The following HCRTR2 variants were observed in gnomAD, a reference collection of about 807,000 sequenced individuals.
HCRTR2 encodes orexin receptor type 2.
Under a neutral mutation model 49.0 loss-of-function variants are expected in HCRTR2, and 22 were observed. The observed-to-expected ratio is 0.45, with a 90% confidence interval of 0.32 to 0.64. The LOEUF is 0.64. Ranked by LOEUF, HCRTR2 falls within the 30% of genes least tolerant of loss-of-function variation. The pLI is 0.04. For missense variants in HCRTR2, 491 were observed against 559.4 expected (o/e 0.88, Z 1.23); for synonymous variants, 236 against 205.3 (o/e 1.15, Z -1.28).
chr6:55,240,092 A>T (rs1766296053), intron 1 of HCRTR2, among the ~76,000 whole-genome samples: 1 of 151,736 alleles, frequency 6.6e-6, no homozygotes, highest in East Asian at 2.0e-4. Flanking sequence ...ATAGTTTTGA[A>T]GTTTTATTTA....
intron 1 of HCRTR2, among the ~76,000 whole-genome samples, chr6:55,215,827 T>A (rs528342072): frequency 1.3e-5 from 2 of 151,992 alleles, no homozygotes; most frequent in Admixed American, 1.3e-4. Flanking sequence ...CAAAAGAAAA[T>A]GAGAAAGAAA....
chr6:55,138,941 G>C (rs1764470223), intron 1 of HCRTR2, among the ~76,000 whole-genome samples: 3 of 152,188 alleles, frequency 2.0e-5, no homozygotes, highest in Admixed American at 6.5e-5. Flanking sequence ...GGGTTTAGGG[G>C]ACCCTTGACA....
chr6:55,261,061 T>C (rs1766745972), intron 3 of HCRTR2, among the ~76,000 whole-genome samples: 1 of 152,220 alleles, frequency 6.6e-6, no homozygotes, highest in African/African-American at 2.4e-5. Flanking sequence ...ACAGCTCTGT[T>C]GTGTTAGCAT....
chr6:55,271,131 C>T (rs1198010761), intron 4 of HCRTR2, among the ~76,000 whole-genome samples: 1 of 152,044 alleles, frequency 6.6e-6, no homozygotes, highest in East Asian at 1.9e-4. Context: ...AACTTACTTC[C>T]TAATGTCAAA....
At chr6:55,133,550 T>A (rs4428503) in intron 1 of HCRTR2, among the ~76,000 whole-genome samples, 1 of 151,662 alleles carries the variant, frequency 6.6e-6, no homozygotes, top group Admixed American at 6.6e-5. Context: ...ATTGATGACC[T>A]CACTAACATC....
At chr6:55,172,828 G>A (rs1487664730), upstream of HCRTR2, among the ~76,000 whole-genome samples, 2 of 152,134 alleles carry the variant, frequency 1.3e-5, no homozygotes, top group South Asian at 2.1e-4. Context: ...GATTGGAGGA[G>A]GGGGTGGGGT....
chr6:55,269,967 C>A (rs1045869558), intron 4 of HCRTR2, among the ~76,000 whole-genome samples: 20 of 151,590 alleles, frequency 1.3e-4, no homozygotes, highest in Admixed American at 5.3e-4. Context: ...CTTGTCAAAA[C>A]AAAAAAAATT....
intron 1 of HCRTR2, among the ~76,000 whole-genome samples, chr6:55,156,865 A>G (rs936528699): frequency 6.6e-6 from 1 of 152,164 alleles, no homozygotes; most frequent in Non-Finnish European, 1.5e-5. Flanking sequence ...TCCACAGACT[A>G]GGAATAGAAG....
At chr6:55,219,527 C>T (rs1335704574) in intron 1 of HCRTR2, among the ~76,000 whole-genome samples, 2 of 151,966 alleles carry the variant, frequency 1.3e-5, no homozygotes, top group Admixed American at 6.6e-5. Context: ...AATAAAAAGA[C>T]AACATATCCA....
downstream of HCRTR2, among the ~76,000 whole-genome samples, chr6:55,284,262 C>T (rs527396502): frequency 3.3e-5 from 5 of 152,190 alleles, no homozygotes; most frequent in African/African-American, 9.6e-5. Context: ...AAAAAACTGA[C>T]TCAGAGAGCA....
intron 1 of HCRTR2, among the ~76,000 whole-genome samples, chr6:55,221,754 A>G (rs1189154999): frequency 6.6e-6 from 1 of 151,698 alleles, no homozygotes; most frequent in Non-Finnish European, 1.5e-5. Context: ...CAGAGCTTGC[A>G]GTGAGGTGAG....
chr6:55,149,150 A>G (rs900260602), intron 1 of HCRTR2, among the ~76,000 whole-genome samples: 3 of 151,906 alleles, frequency 2.0e-5, no homozygotes, highest in Non-Finnish European at 4.4e-5. Context: ...GTTCCCTGTC[A>G]TTTCTTATGT....
intron 3 of HCRTR2, among the ~76,000 whole-genome samples, chr6:55,260,245 G>A (rs1480691915): frequency 6.6e-6 from 1 of 152,096 alleles, no homozygotes; most frequent in Admixed American, 6.6e-5. Flanking sequence ...GGCTTCGCAG[G>A]TATGTAAGCT....
chr6:55,278,896 T>C (rs555360350), intron 5 of HCRTR2, among the ~76,000 whole-genome samples: 2 of 151,996 alleles, frequency 1.3e-5, no homozygotes, highest in Non-Finnish European at 2.9e-5. Context: ...TTTTCTCTTT[T>C]AGTCAGTCTA....
intron 2 of HCRTR2, among the ~76,000 whole-genome samples, chr6:55,252,876 T>C (rs938251776): frequency 9.2e-5 from 14 of 151,964 alleles, no homozygotes; most frequent in African/African-American, 1.4e-4. Context: ...TCATCATCAT[T>C]ATTATTATTA....
At chr6:55,151,958 C>CT (rs1215938635) in intron 1 of HCRTR2, among the ~76,000 whole-genome samples, 1 of 151,916 alleles carries the variant, frequency 6.6e-6, no homozygotes, top group Non-Finnish European at 1.5e-5. Context: ...TAAAAGGAAT[C>CT]TTTTTTTCTA....
At chr6:55,123,454 C>G (rs1013817092) in intron 1 of HCRTR2, among the ~76,000 whole-genome samples, 7 of 152,056 alleles carry the variant, frequency 4.6e-5, no homozygotes, top group African/African-American at 7.2e-5. Context: ...GTTGAACCAG[C>G]CTTGCATTCC....
intron 1 of HCRTR2, 30 bp downstream of exon 1, chr6:55,174,840 G>A: frequency 6.3e-7 from 1 of 1,576,186 alleles, no homozygotes; most frequent in East Asian, 2.2e-5. Flanking sequence ...GCCCTCCTAG[G>A]GGCTATCACC....
chr6:55,263,827 A>G lies in HCRTR2; in HGVS notation c.762+5A>G, dbSNP rs1766814156. ...CGCAAACTCTGGTGTCGACAGGTATATAGTTTCAAATATTTTGCGTGCATT... is the reference window on the plus strand; with the variant it reads ...CGCAAACTCTGGTGTCGACAGGTATGTAGTTTCAAATATTTTGCGTGCATT... On this transcript the variant is annotated splice_donor_5th_base_variant and intron_variant, in intron 4 of 6. Transcript: ENST00000370862. 4.6e-6 allele frequency: 7 copies of G among 1,512,966 alleles called. No homozygotes were observed. The highest frequency in any genetic ancestry group is 6.4e-6 in the Non-Finnish European group (7 of 1,088,428). 93.7% of individuals were successfully genotyped at this position (1,512,966 alleles called of 1,614,324 possible).
Sources: gnomAD v4.1 joint callset for allele counts (sites outside exome capture counted in the v4.1 genomes callset) on GRCh38, gnomAD v4.1.1 for gene constraint, MANE v1.5 for transcripts, NCBI Gene and HGNC (gene_info 2026-07-23, HGNC 2026-07-21) for gene names.